CRPPA: variants seen among roughly 807,000 people sequenced by gnomAD.
CRPPA encodes D-ribitol-5-phosphate cytidylyltransferase.
A neutral mutation model predicts 52.0 loss-of-function variants in CRPPA; 43 were observed. The observed-to-expected ratio is 0.83, with a 90% confidence interval of 0.65 to 1.07. The LOEUF (loss-of-function observed/expected upper bound fraction) is 1.07, where lower values mean the gene tolerates loss of function less well. Among genes scored for constraint, CRPPA ranks in the 50% least tolerant of loss-of-function variants. The probability of loss-of-function intolerance (pLI) is 0.00; values close to 1 mark genes in which losing one functional copy is unlikely to be tolerated. For synonymous variants in CRPPA, 250 were observed against 203.5 expected, an observed-to-expected ratio of 1.23 and a Z score of -1.94; for missense variants, 629 against 551.7, an observed-to-expected ratio of 1.14 and a Z score of -1.40.
intron 3 of CRPPA, 151 bp downstream of exon 3, chr7:16,375,941 G>T: frequency 1.5e-6 from 1 of 688,252 alleles, no homozygotes; most frequent in Non-Finnish European, 2.2e-6. Flanking sequence ...TTCTGATCCA[G>T]CTCTATAACC....
intron 4 of CRPPA, among the ~76,000 whole-genome samples, chr7:16,307,400 G>C (rs1784933738): frequency 6.6e-6 from 1 of 152,076 alleles, no homozygotes; most frequent in African/African-American, 2.4e-5. Context: ...AAAGAGGTTA[G>C]GCCAGGTGTG....
intron 3 of CRPPA, among the ~76,000 whole-genome samples, chr7:16,365,455 C>T (rs1039719516): frequency 1.2e-4 from 18 of 152,114 alleles, no homozygotes; most frequent in Admixed American, 6.6e-4. Context: ...TGTGCTGAAA[C>T]GATAATCTTG....
chr7:16,224,144 G>A (rs566597510), intron 8 of CRPPA, among the ~76,000 whole-genome samples: 60 of 152,068 alleles, frequency 3.9e-4, no homozygotes, highest in African/African-American at 1.4e-3. Flanking sequence ...GAGGTTTCCG[G>A]CTCTCGGTGT....
At chr7:16,103,755 G>A (rs1038899091) in intron 9 of CRPPA, among the ~76,000 whole-genome samples, 1 of 152,074 alleles carries the variant, frequency 6.6e-6, no homozygotes, top group Non-Finnish European at 1.5e-5. Flanking sequence ...CTGTTGTTAG[G>A]CAATGGATAC....
intron 8 of CRPPA, among the ~76,000 whole-genome samples, chr7:16,230,686 A>G (rs1234085326): frequency 6.6e-6 from 1 of 152,070 alleles, no homozygotes; most frequent in Non-Finnish European, 1.5e-5. Context: ...TGGTCATGTA[A>G]TGTTTTCTTG....
chr7:16,387,692 A>G (rs1787325349), intron 2 of CRPPA, among the ~76,000 whole-genome samples: 2 of 152,234 alleles, frequency 1.3e-5, no homozygotes, highest in Non-Finnish European at 2.9e-5. Flanking sequence ...AAACAATCCA[A>G]CAATATTTGG....
chr7:16,201,709 T>C (rs1285353504), intron 9 of CRPPA, among the ~76,000 whole-genome samples: 1 of 152,142 alleles, frequency 6.6e-6, no homozygotes, highest in Non-Finnish European at 1.5e-5. Context: ...GCAGTGGGAA[T>C]TAAAGGGCTG....
rs186300786 is a variant in CRPPA, at chr7:16,092,781, C to G, written c.1252-982G>C. ...TTAAACCTCAGGATAAAGTCTGATCCCATTACCTGGTAATAAAATGTCTCT... is the reference window on the plus strand; with the variant it reads ...TTAAACCTCAGGATAAAGTCTGATCGCATTACCTGGTAATAAAATGTCTCT... On this transcript the variant is annotated intron_variant, in intron 9 of 9. Coordinates refer to ENST00000407010, the MANE Select transcript of CRPPA (RefSeq NM_001101426.4). 1.9e-3 allele frequency among the ~76,000 whole-genome samples: 283 copies of G among 152,274 alleles called. 2 individuals carry two copies. The highest frequency in any genetic ancestry group is 6.4e-3 in the African/African-American group (268 of 41,554).
At chr7:16,094,567 A>T (rs1257671994) in intron 9 of CRPPA, among the ~76,000 whole-genome samples, 3 of 77,842 alleles carry the variant, frequency 3.9e-5, no homozygotes, top group Non-Finnish European at 9.2e-5. Context: ...ATTCACATAC[A>T]TAAGTGTGTG....
At chr7:16,327,650 G>C (rs1268996545) in intron 3 of CRPPA, among the ~76,000 whole-genome samples, 2 of 148,166 alleles carry the variant, frequency 1.3e-5, no homozygotes, top group African/African-American at 5.0e-5. Context: ...GACCACAACT[G>C]TCAAGGAGAT....
rs551941823 is a variant in CRPPA, at chr7:16,398,871, C to A, written c.534+7190G>T. On this transcript the variant is annotated intron_variant, in intron 2 of 9. Coordinates refer to ENST00000407010, the MANE Select transcript of CRPPA (RefSeq NM_001101426.4). ...TTACGTAACTGGCATGTGTCCAACA[C>A]GTGACTCACACGTGATCAGCACATG... 4.1e-4 allele frequency among the ~76,000 whole-genome samples: 62 copies of A among 152,350 alleles called. No homozygotes were observed. The South Asian group carries it at 0.012, about 29-fold the overall frequency.
intron 6 of CRPPA, among the ~76,000 whole-genome samples, chr7:16,271,309 C>T (rs538056679): frequency 2.9e-4 from 44 of 152,230 alleles, no homozygotes; most frequent in African/African-American, 1.1e-3. Flanking sequence ...ACAAGTACTG[C>T]AGAGGTTTCC....
At chr7:16,275,578 C>T (rs755368083) in intron 6 of CRPPA, among the ~76,000 whole-genome samples, 1 of 151,888 alleles carries the variant, frequency 6.6e-6, no homozygotes, top group Non-Finnish European at 1.5e-5. Context: ...CCTGTATTTC[C>T]GCCCTTTGGG....
intron 3 of CRPPA, among the ~76,000 whole-genome samples, chr7:16,318,168 C>T (rs1273845519): frequency 6.6e-6 from 1 of 152,122 alleles, no homozygotes. Flanking sequence ...GTTAGAAAAC[C>T]TATTTTCTTA....
chr7:16,273,541 C>T (rs1405604680), intron 6 of CRPPA, among the ~76,000 whole-genome samples: 1 of 152,000 alleles, frequency 6.6e-6, no homozygotes, highest in African/African-American at 2.4e-5. Flanking sequence ...CACCTTTCCA[C>T]TCCATCCCCT....
chr7:16,102,342 A>G lies in CRPPA; in HGVS notation c.1252-10543T>C, dbSNP rs145260693. Among the ~76,000 whole-genome samples, 388 of 151,484 alleles carry G rather than the reference A, an allele frequency of 2.6e-3. 2 individuals are homozygous for G. The highest frequency in any genetic ancestry group is 8.9e-3 in the African/African-American group (364 of 40,792). On this transcript the variant is annotated intron_variant, in intron 9 of 9. Transcript: ENST00000407010. ...TAAAAACTTCAACGTAAGACATAAA[A>G]CCATAAAAATCCTAGAAGAAAACTG...
chr7:16,178,214 G>A (rs1399526654), intron 9 of CRPPA, among the ~76,000 whole-genome samples: 4 of 152,054 alleles, frequency 2.6e-5, no homozygotes, highest in Admixed American at 6.6e-5. Flanking sequence ...TCTGGCCCTA[G>A]CTCAGTCAGA....
chr7:16,102,556 G>T (rs956285162), intron 9 of CRPPA, among the ~76,000 whole-genome samples: 3 of 151,946 alleles, frequency 2.0e-5, no homozygotes, highest in Non-Finnish European at 4.4e-5. Flanking sequence ...CCATCTATCT[G>T]TCTGACAAAG....
chr7:16,344,947 T>C (rs1484999987), intron 3 of CRPPA, among the ~76,000 whole-genome samples: 1 of 151,614 alleles, frequency 6.6e-6, no homozygotes, highest in African/African-American at 2.4e-5. Flanking sequence ...TTTTTGGTAG[T>C]AATAACTAAA....
Sources: allele counts gnomAD v4.1 joint callset (sites outside exome capture counted in the v4.1 genomes callset), GRCh38; gene constraint gnomAD v4.1.1; transcripts MANE v1.5; gene names NCBI Gene and HGNC (gene_info 2026-07-23, HGNC 2026-07-21).